The following CUL5 variants were observed in gnomAD, a reference collection of about 807,000 sequenced individuals.
CUL5 encodes cullin-5.
A neutral mutation model predicts 108.8 loss-of-function variants in CUL5; 26 were observed. That is an observed-to-expected ratio of 0.24 (90% CI 0.18 to 0.33). The LOEUF (loss-of-function observed/expected upper bound fraction) is 0.33, where lower values mean the gene tolerates loss of function less well. Among genes scored for constraint, CUL5 ranks in the 10% least tolerant of loss-of-function variants. The pLI is 1.00. For missense variants in CUL5, 524 were observed against 909.2 expected (o/e 0.58, Z 5.45); for synonymous variants, 334 against 298.0 (o/e 1.12, Z -1.25).
At chr11:108,051,756 A>G (rs1003366327) in intron 4 of CUL5, among the ~76,000 whole-genome samples, 2 of 152,224 alleles carry the variant, frequency 1.3e-5, no homozygotes, top group Non-Finnish European at 2.9e-5. Context: ...TTACAAACAT[A>G]TGCATATGTC....
In CUL5 at chr11:108,049,738, G is replaced by A. The variant is rs1042635138; in HGVS notation, c.235-152G>A. ...TGCTGCTGTGAACATTCGTGTACAAGTTTTTTTGTGAACATGTTTTAATTT... is the reference window on the plus strand; with the variant it reads ...TGCTGCTGTGAACATTCGTGTACAAATTTTTTTGTGAACATGTTTTAATTT... On this transcript the variant is annotated intron_variant, in intron 3 of 18. Coordinates refer to ENST00000393094, the MANE Select transcript of CUL5 (RefSeq NM_003478.6). The A allele has an allele frequency of 1.7e-5, 11 of 630,984 alleles. No individual in the cohort carries two copies. In the African/African-American group the frequency reaches 1.9e-4, roughly 11 times the overall value. 39.1% of individuals were successfully genotyped at this position (630,984 alleles called of 1,614,324 possible).
intron 1 of CUL5, among the ~76,000 whole-genome samples, chr11:108,018,837 T>C (rs1591273339): frequency 1.3e-5 from 2 of 152,178 alleles, no homozygotes; most frequent in South Asian, 2.1e-4. Flanking sequence ...GGTTATGAGC[T>C]CAGCCTCTGC....
At chr11:108,078,444 A>G (rs1350110484) in intron 11 of CUL5, among the ~76,000 whole-genome samples, 1 of 141,616 alleles carries the variant, frequency 7.1e-6, no homozygotes, top group Non-Finnish European at 1.5e-5. Context: ...TTTTTCAGGT[A>G]AAAAAAAAAT....
intron 18 of CUL5, 144 bp downstream of exon 18, chr11:108,098,673 G>T: frequency 2.1e-6 from 1 of 473,200 alleles, no homozygotes; most frequent in Non-Finnish European, 3.4e-6. Context: ...ACTTTGGGAT[G>T]CTGAGGCAGG....
rs1342186610 is a variant in CUL5 at position 108,052,701 on chromosome 11, A to T, written c.453A>T (p.Ile151=). Reference sequence around the variant, plus strand: ...GGAATGAGTCAATCTTTTCAAACATAAAAAACAGACTCCAAGATAGTGCAA... The same window carrying T: ...GGAATGAGTCAATCTTTTCAAACATTAAAAACAGACTCCAAGATAGTGCAA... ...DTWNESIFSN[I]KNRLQDSAMK... The change falls in exon 5 of 19, where the codon ATA becomes ATT. Residue 151 remains isoleucine (I), a synonymous_variant. Coordinates refer to ENST00000393094, the MANE Select transcript of CUL5 (RefSeq NM_003478.6). 6.2e-7 allele frequency: 1 copy of T among 1,612,678 alleles called. No homozygotes were observed. Among genetic ancestry groups the T allele is most frequent in the African/African-American group, 1.3e-5 (1 of 75,036 alleles).
At chr11:108,095,864 G>A (rs756650723) in intron 16 of CUL5, among the ~76,000 whole-genome samples, 173 bp downstream of exon 16, 21 of 152,058 alleles carry the variant, frequency 1.4e-4, no homozygotes, top group Admixed American at 3.3e-4. Flanking sequence ...GGAAGGCCGA[G>A]GTGGGCAGAT....
Position 108,058,555 on chromosome 11 carries a change from A to AT in CUL5, c.780+3613dup, listed in dbSNP as rs879267134. Among the ~76,000 whole-genome samples, 1,095 of 145,542 alleles carry AT rather than the reference A, an allele frequency of 7.5e-3. 12 individuals are homozygous for AT. The highest frequency in any genetic ancestry group is 0.025 in the African/African-American group (1,005 of 39,760). ...GAGCCACTGCACCCGGCCCAAAGTG[A>AT]TTTTTTTTTTTTTAAATGAAGTAAG... On this transcript the variant is annotated intron_variant, in intron 7 of 18. Transcript: ENST00000393094.
chr11:108,045,938 A>G (rs1863056711), intron 2 of CUL5, among the ~76,000 whole-genome samples: 1 of 152,212 alleles, frequency 6.6e-6, no homozygotes, highest in Non-Finnish European at 1.5e-5. Flanking sequence ...TAAAGAATTA[A>G]AAGGATTTGT....
intron 1 of CUL5, among the ~76,000 whole-genome samples, chr11:108,030,307 T>C (rs1862547270): frequency 6.6e-6 from 1 of 152,206 alleles, no homozygotes; most frequent in Non-Finnish European, 1.5e-5. Flanking sequence ...ATCCCAGTAC[T>C]AAGTTTTTAG....
In CUL5 at chr11:108,021,934, C is replaced by T. The variant is rs1037946514; in HGVS notation, c.25-11868C>T. On this transcript the variant is annotated intron_variant, in intron 1 of 18. Coordinates refer to ENST00000393094, the MANE Select transcript of CUL5 (RefSeq NM_003478.6). ...GGCCCAAGCAGTTGTCCCGCCTCAG[C>T]CTCTGGAGTAGCTAGGACTGCAAGT... 2.0e-5 allele frequency among the ~76,000 whole-genome samples: 3 copies of T among 152,178 alleles called. No individual in the cohort carries two copies. In the East Asian group the frequency reaches 5.8e-4, roughly 29 times the overall value.
intron 7 of CUL5, among the ~76,000 whole-genome samples, chr11:108,065,554 A>G (rs977058868): frequency 8.5e-5 from 13 of 152,106 alleles, no homozygotes; most frequent in African/African-American, 1.9e-4. Flanking sequence ...AGTTCATCCT[A>G]CTTTTGCTTT....
intron 2 of CUL5, among the ~76,000 whole-genome samples, chr11:108,034,292 A>G (rs1862670666): frequency 6.6e-6 from 1 of 152,214 alleles, no homozygotes; most frequent in Non-Finnish European, 1.5e-5. Flanking sequence ...TATGTTGTCT[A>G]CCAGAGAAGC....
In CUL5 at chr11:108,070,270, G is replaced by A. The variant is rs1863787298; in HGVS notation, c.874+81G>A. 3.0e-6 allele frequency: 3 copies of A among 1,003,510 alleles called. No individual in the cohort carries two copies. The South Asian group carries it at 4.3e-5, about 14-fold the overall frequency. 62.2% of individuals were successfully genotyped at this position (1,003,510 alleles called of 1,614,324 possible). A position where few individuals can be genotyped will look rare whatever the true frequency, so the allele number is the denominator to read the frequency against. ...CAAATCACTTACTAAGTTGCTCTTA[G>A]TTAATTCTTTTCCACATAGGTATAT... On this transcript the variant is annotated intron_variant, in intron 8 of 18. Transcript: ENST00000393094.
intron 1 of CUL5, among the ~76,000 whole-genome samples, chr11:108,020,617 A>C (rs1443573330): frequency 2.0e-5 from 3 of 151,994 alleles, no homozygotes; most frequent in Non-Finnish European, 2.9e-5. Flanking sequence ...CCTGAGCTCA[A>C]GTGATCTTTG....
rs190664773 is a variant in CUL5 at position 108,030,710 on chromosome 11, G to A, written c.25-3092G>A. Among the ~76,000 whole-genome samples the A allele has an allele frequency of 2.5e-3, 375 of 152,320 alleles. 2 individuals are homozygous for A. The highest frequency in any genetic ancestry group is 8.6e-3 in the African/African-American group (357 of 41,574). ...GAGCAAGACAGTATATTAACTTTTA[G>A]GATGAACTATGTTCGTGAATATAAG... On this transcript the variant is annotated intron_variant, in intron 1 of 18. Transcript: ENST00000393094.
intron 11 of CUL5, among the ~76,000 whole-genome samples, chr11:108,082,433 A>G (rs1284017181): frequency 6.6e-6 from 1 of 151,778 alleles, no homozygotes; most frequent in Non-Finnish European, 1.5e-5. Flanking sequence ...GGTTCAGGCC[A>G]CCACACCTGG....
chr11:108,098,526 C>G lies in CUL5; in HGVS notation c.2145C>G (p.Thr715=). The change falls in exon 18 of 19, where the codon ACC becomes ACG. Residue 715 remains threonine (T), a synonymous_variant. Transcript: ENST00000393094. ...TAGTTCAACTACGAATACTAAGAAC[C>G]CAGGTTTGTAATGTTGACAGAATGT... ...EGIVQLRILR[T]QEAIIQIMKM... The G allele has an allele frequency of 1.3e-6, 2 of 1,543,258 alleles. No homozygotes were observed. Among genetic ancestry groups the G allele is most frequent in the East Asian group, 2.4e-5 (1 of 41,364 alleles).
chr11:108,024,504 G>A (rs1246401930), intron 1 of CUL5, among the ~76,000 whole-genome samples: 1 of 152,182 alleles, frequency 6.6e-6, no homozygotes, highest in Non-Finnish European at 1.5e-5. Flanking sequence ...TACTTGTAAA[G>A]TGTTTGGAAC....
At chr11:108,032,024 T>G (rs1248279817) in intron 1 of CUL5, among the ~76,000 whole-genome samples, 1 of 151,668 alleles carries the variant, frequency 6.6e-6, no homozygotes, top group Non-Finnish European at 1.5e-5. Context: ...TACCAGAGGG[T>G]GAAGGGTGGG....
Sources: allele counts gnomAD v4.1 joint callset (sites outside exome capture counted in the v4.1 genomes callset), GRCh38; gene constraint gnomAD v4.1.1; transcripts MANE v1.5; gene names NCBI Gene and HGNC (gene_info 2026-07-23, HGNC 2026-07-21).